SLC39A11: variants seen among roughly 807,000 people sequenced by gnomAD.
The protein encoded by SLC39A11 is solute carrier family 39 member 11.
Under a neutral mutation model 36.1 loss-of-function variants are expected in SLC39A11, and 33 were observed. The ratio of observed to expected loss-of-function variants is 0.91; its 90% CI spans 0.69 to 1.22. SLC39A11 has a LOEUF of 1.22. Ranked by LOEUF, SLC39A11 falls within the 50% of genes most tolerant of loss-of-function variation. The probability of loss-of-function intolerance (pLI) is 0.00; values close to 1 mark genes in which losing one functional copy is unlikely to be tolerated. For synonymous variants in SLC39A11, 166 were observed against 170.3 expected, an observed-to-expected ratio of 0.97 and a Z score of 0.20; for missense variants, 432 against 430.3, an observed-to-expected ratio of 1.00 and a Z score of -0.03.
At chr17:72,840,409 T>A (rs952905891) in intron 6 of SLC39A11, among the ~76,000 whole-genome samples, 1 of 152,206 alleles carries the variant, frequency 6.6e-6, no homozygotes, top group African/African-American at 2.4e-5. Context: ...TGCCAATGTA[T>A]CATCAGGACC....
chr17:72,765,094 T>C (rs1028638282), intron 6 of SLC39A11, among the ~76,000 whole-genome samples: 4 of 152,192 alleles, frequency 2.6e-5, no homozygotes, highest in African/African-American at 9.7e-5. Flanking sequence ...AGGAGGATGA[T>C]AGGAGCCTGA....
rs7218072 is a variant in SLC39A11, at chr17:72,756,308, G to C, written c.602-19589C>G. On this transcript the variant is annotated intron_variant, in intron 6 of 9. Coordinates refer to ENST00000255559, the MANE Select transcript of SLC39A11 (RefSeq NM_139177.4). ...ACATCCGTCAAAGCACTGAAAGCAG[G>C]GTCTCAAAGAGATACTTGCCTACCT... 8.4e-3 allele frequency among the ~76,000 whole-genome samples: 1,277 copies of C among 152,270 alleles called. 20 individuals carry two copies. Among genetic ancestry groups the C allele is most frequent in the African/African-American group, 0.03 (1,231 of 41,544 alleles).
At chr17:73,009,020 A>G (rs1302716750) in intron 4 of SLC39A11, among the ~76,000 whole-genome samples, 1 of 146,232 alleles carries the variant, frequency 6.8e-6, no homozygotes, top group African/African-American at 2.7e-5. Context: ...TGCCATTGCA[A>G]TGCTGCACTC....
chr17:72,998,867 T>C (rs1224202549), intron 4 of SLC39A11, among the ~76,000 whole-genome samples: 1 of 152,184 alleles, frequency 6.6e-6, no homozygotes, highest in Non-Finnish European at 1.5e-5. Flanking sequence ...GGAAGGGAGA[T>C]GGCGGCGTTT....
At chr17:72,931,850 C>T (rs1333353533) in intron 5 of SLC39A11, among the ~76,000 whole-genome samples, 1 of 152,128 alleles carries the variant, frequency 6.6e-6, no homozygotes, top group Non-Finnish European at 1.5e-5. Flanking sequence ...TGCTCTACAA[C>T]TCGGTAGAGG....
chr17:72,836,917 G>A (rs2078574796), intron 6 of SLC39A11, among the ~76,000 whole-genome samples: 1 of 152,174 alleles, frequency 6.6e-6, no homozygotes, highest in Non-Finnish European at 1.5e-5. Flanking sequence ...AGCAGAAGCT[G>A]TTGCATCACG....
At chr17:72,979,736 C>G (rs763745415) in intron 4 of SLC39A11, among the ~76,000 whole-genome samples, 13 of 152,172 alleles carry the variant, frequency 8.5e-5, no homozygotes, top group Non-Finnish European at 1.6e-4. Flanking sequence ...GACCCCAAAA[C>G]AAATCTTGCC....
At chr17:73,034,674 A>T (rs1019705971) in intron 3 of SLC39A11, among the ~76,000 whole-genome samples, 2 of 152,146 alleles carry the variant, frequency 1.3e-5, no homozygotes, top group Admixed American at 6.5e-5. Flanking sequence ...GAAAAAACAT[A>T]ACATCGCTGT....
At chr17:73,055,438 C>CT (rs113094163) in intron 3 of SLC39A11, among the ~76,000 whole-genome samples, 192 of 143,170 alleles carry the variant, frequency 1.3e-3, no homozygotes, top group Middle Eastern at 3.7e-3. Context: ...ACTTTTTTTT[C>CT]TTTTTTTTTT....
At chr17:72,791,589 T>C (rs1418090872) in intron 6 of SLC39A11, among the ~76,000 whole-genome samples, 2 of 152,218 alleles carry the variant, frequency 1.3e-5, no homozygotes, top group African/African-American at 4.8e-5. Flanking sequence ...TTTCATTCAA[T>C]GCTCATGGCA....
rs182148896 is a variant in SLC39A11, at chr17:72,772,355, C to T, written c.602-35636G>A. On this transcript the variant is annotated intron_variant, in intron 6 of 9. Coordinates refer to ENST00000255559, the MANE Select transcript of SLC39A11 (RefSeq NM_139177.4). The stretch of plus-strand genomic sequence containing the variant: ...CCAAGTTTAGCACAGTGGCGCACAT[C>T]TGCACCCTTTATTTATCTCGATGTT... 1.9e-4 allele frequency among the ~76,000 whole-genome samples: 29 copies of T among 152,336 alleles called. 1 individual carries two copies. Among genetic ancestry groups the T allele is most frequent in the Non-Finnish European group, 3.7e-4 (25 of 68,030 alleles).
intron 5 of SLC39A11, among the ~76,000 whole-genome samples, chr17:72,892,292 C>T (rs942139934): frequency 6.6e-6 from 1 of 151,680 alleles, no homozygotes; most frequent in Non-Finnish European, 1.5e-5. Context: ...TACCTGTAAT[C>T]CCAGCTATTC....
At chr17:72,751,105 G>A (rs561849872) in intron 6 of SLC39A11, among the ~76,000 whole-genome samples, 12 of 152,224 alleles carry the variant, frequency 7.9e-5, no homozygotes, top group East Asian at 1.9e-4. Context: ...AAAATTAGAC[G>A]AGCGTGGTGG....
chr17:72,692,597 G>A (rs1315513387), intron 7 of SLC39A11, among the ~76,000 whole-genome samples: 3 of 152,178 alleles, frequency 2.0e-5, no homozygotes, highest in Non-Finnish European at 2.9e-5. Flanking sequence ...AATAGCACAG[G>A]AAAGACCAGC....
At chr17:72,929,653 A>T (rs2084264034) in intron 5 of SLC39A11, among the ~76,000 whole-genome samples, 1 of 152,118 alleles carries the variant, frequency 6.6e-6, no homozygotes, top group African/African-American at 2.4e-5. Context: ...TTTTTTTCTT[A>T]AAGGGAGAAA....
chr17:73,037,334 C>T (rs1366278034), intron 3 of SLC39A11, among the ~76,000 whole-genome samples: 2 of 152,238 alleles, frequency 1.3e-5, no homozygotes, highest in African/African-American at 4.8e-5. Context: ...CTCTCAACAT[C>T]AGCAATGCTC....
At chr17:72,952,115 A>G (rs574453236) in intron 4 of SLC39A11, among the ~76,000 whole-genome samples, 25 of 152,204 alleles carry the variant, frequency 1.6e-4, no homozygotes, top group African/African-American at 5.8e-4. Context: ...CCTTCAGAAC[A>G]ACCAGGGTCA....
intron 3 of SLC39A11, among the ~76,000 whole-genome samples, chr17:73,048,437 C>T (rs1175488399): frequency 1.3e-5 from 2 of 152,206 alleles, no homozygotes; most frequent in Middle Eastern, 3.2e-3. Flanking sequence ...CAGTCCACCA[C>T]GGATGGGCAC....
At chr17:72,682,064 A>C (rs1009109394) in intron 7 of SLC39A11, among the ~76,000 whole-genome samples, 22 of 151,968 alleles carry the variant, frequency 1.4e-4, no homozygotes, top group African/African-American at 4.8e-4. Flanking sequence ...GCAGCATTAG[A>C]CTCTCAGAGG....
Sources: gnomAD v4.1 joint callset for allele counts (sites outside exome capture counted in the v4.1 genomes callset) on GRCh38, gnomAD v4.1.1 for gene constraint, MANE v1.5 for transcripts, NCBI Gene and HGNC (gene_info 2026-07-23, HGNC 2026-07-21) for gene names.